The following TRIM24 variants were observed in gnomAD, a reference collection of about 807,000 sequenced individuals.
TRIM24 encodes the protein transcription intermediary factor 1-alpha.
A neutral mutation model predicts 123.9 loss-of-function variants in TRIM24; 29 were observed. That is an observed-to-expected ratio of 0.23 (90% CI 0.17 to 0.32). TRIM24 has a LOEUF of 0.32. Ranked by LOEUF, TRIM24 falls within the 10% of genes least tolerant of loss-of-function variation. The pLI is 1.00. For missense variants in TRIM24, 932 were observed against 1,295.3 expected, an observed-to-expected ratio of 0.72 and a Z score of 4.31; for synonymous variants, 456 against 461.1, an observed-to-expected ratio of 0.99 and a Z score of 0.14.
chr7:138,482,132 A>G (rs1485770736), intron 1 of TRIM24, among the ~76,000 whole-genome samples: 1 of 151,980 alleles, frequency 6.6e-6, no homozygotes, highest in Non-Finnish European at 1.5e-5. Context: ...TTCCTTTTAG[A>G]AAAAAGGGTC....
chr7:138,580,889 C>T (rs530040946), intron 16 of TRIM24, among the ~76,000 whole-genome samples, 195 bp downstream of exon 16: 3 of 152,004 alleles, frequency 2.0e-5, no homozygotes, highest in African/African-American at 4.8e-5. Flanking sequence ...AGAATTAATG[C>T]ATGTATTTTA....
intron 2 of TRIM24, among the ~76,000 whole-genome samples, chr7:138,504,891 G>A (rs1796118658): frequency 6.6e-6 from 1 of 151,910 alleles, no homozygotes; most frequent in Non-Finnish European, 1.5e-5. Flanking sequence ...CTCATGAGTA[G>A]CTGGGATTAC....
chr7:138,508,724 T>TGTGTGTGTGC (rs770314284), intron 2 of TRIM24, among the ~76,000 whole-genome samples: 3,537 of 148,660 alleles, frequency 0.024, 64 homozygotes, highest in Non-Finnish European at 0.037. Flanking sequence ...TGTGTGCGTG[T>TGTGTGTGTGC]GTGTGTGTGT....
Position 138,585,578 on chromosome 7 carries a change from C to T in TRIM24, c.*627C>T, listed in dbSNP as rs904088147. 10 of 325,222 alleles carry T rather than the reference C, an allele frequency of 3.1e-5. No individual in the cohort carries two copies. The highest frequency in any genetic ancestry group is 1.5e-4 in the Admixed American group (3 of 19,664). The allele number at this position is 325,222 out of a possible 1,614,324, so 20.1% of individuals were successfully genotyped here. A position where few individuals can be genotyped will look rare whatever the true frequency, so the allele number is the denominator to read the frequency against. On this transcript the variant is annotated 3_prime_UTR_variant, in exon 19 of 19. Coordinates refer to ENST00000343526, the MANE Select transcript of TRIM24 (RefSeq NM_015905.3). ...ATGGCAACTGTATTAAAGAAAAATCCGGAAAACAAATGTTTGATTTTTGTT... is the reference window on the plus strand; with the variant it reads ...ATGGCAACTGTATTAAAGAAAAATCTGGAAAACAAATGTTTGATTTTTGTT...
chr7:138,584,985 AT>A lies in TRIM24; in HGVS notation c.*41del. 4 of 1,546,986 alleles carry A rather than the reference AT, an allele frequency of 2.6e-6. No homozygotes were observed. The highest frequency in any genetic ancestry group is 2.2e-5 in the Admixed American group (1 of 45,754). ...ACCACTAGCTTGTGCTGGTTTTTAG[AT>A]TTTTTTGTTTTCAAAAAAACATTTG... On this transcript the variant is annotated 3_prime_UTR_variant, in exon 19 of 19. Transcript: ENST00000343526.
At chr7:138,493,108 G>T (rs989748720) in intron 1 of TRIM24, among the ~76,000 whole-genome samples, 1 of 151,992 alleles carries the variant, frequency 6.6e-6, no homozygotes, top group Non-Finnish European at 1.5e-5. Context: ...TCTCTTTACT[G>T]ACATTCCCTG....
rs1435337500 is a variant in TRIM24, at chr7:138,580,553, C to A, written c.2586-9C>A. 1.9e-6 allele frequency: 3 copies of A among 1,605,898 alleles called. No individual in the cohort carries two copies. Among genetic ancestry groups the A allele is most frequent in the South Asian group, 1.1e-5 (1 of 89,734 alleles). The stretch of plus-strand genomic sequence containing the variant: ...ATTAGGAATTCAAAAGTACATTGTC[C>A]CCTAACAGTGGAGAGTGGATTTGCA... On this transcript the variant is annotated splice_polypyrimidine_tract_variant and intron_variant, in intron 15 of 18. Coordinates refer to ENST00000343526, the MANE Select transcript of TRIM24 (RefSeq NM_015905.3).
At chr7:138,522,399 G>A (rs994863337) in intron 4 of TRIM24, among the ~76,000 whole-genome samples, 1 of 151,616 alleles carries the variant, frequency 6.6e-6, no homozygotes, top group African/African-American at 2.4e-5. Flanking sequence ...TGGACATTGT[G>A]GAACACTGTA....
chr7:138,508,278 TGTA>T (rs1451648572), intron 2 of TRIM24, among the ~76,000 whole-genome samples: 1 of 152,158 alleles, frequency 6.6e-6, no homozygotes, highest in Non-Finnish European at 1.5e-5. Context: ...TGAATAAAAA[TGTA>T]GTGGCTTGTT....
chr7:138,512,850 T>C (rs538788862), intron 2 of TRIM24, among the ~76,000 whole-genome samples: 1 of 152,312 alleles, frequency 6.6e-6, no homozygotes, highest in East Asian at 1.9e-4. Context: ...GAAAATGGGC[T>C]TTTCTTTCCT....
intron 1 of TRIM24, among the ~76,000 whole-genome samples, chr7:138,486,124 G>A (rs1435946903): frequency 1.3e-5 from 2 of 152,210 alleles, no homozygotes; most frequent in Non-Finnish European, 2.9e-5. Flanking sequence ...TCCGTTGGCT[G>A]CATACATGTT....
At chr7:138,527,932 C>T (rs1376725943) in intron 5 of TRIM24, among the ~76,000 whole-genome samples, 1 of 152,154 alleles carries the variant, frequency 6.6e-6, no homozygotes, top group Non-Finnish European at 1.5e-5. Flanking sequence ...CTGGACTTGG[C>T]TTTTATACAC....
intron 15 of TRIM24, 92 bp downstream of exon 15, chr7:138,579,624 C>A: frequency 5.6e-6 from 6 of 1,074,386 alleles, no homozygotes; most frequent in Non-Finnish European, 6.7e-6. Flanking sequence ...AAATGAAATT[C>A]CACTTGGCAC....
chr7:138,558,740 A>G (rs927623225), intron 9 of TRIM24, among the ~76,000 whole-genome samples: 1 of 152,178 alleles, frequency 6.6e-6, no homozygotes, highest in Admixed American at 6.5e-5. Context: ...GTGTCCTGGG[A>G]TAGCCTGTAG....
At chr7:138,536,337 C>A (rs923312492) in intron 6 of TRIM24, among the ~76,000 whole-genome samples, 1 of 152,192 alleles carries the variant, frequency 6.6e-6, no homozygotes, top group South Asian at 2.1e-4. Flanking sequence ...TTTTCCCCAT[C>A]TTTGTGGTTT....
At chr7:138,517,346 G>GTTTT (rs879803035) in intron 3 of TRIM24, among the ~76,000 whole-genome samples, 3 of 151,064 alleles carry the variant, frequency 2.0e-5, no homozygotes, top group African/African-American at 7.4e-5. Flanking sequence ...TTACCTTAGG[G>GTTTT]TTTTTGTGTG....
At chr7:138,470,404 A>T (rs1160738947) in intron 1 of TRIM24, among the ~76,000 whole-genome samples, 1 of 152,184 alleles carries the variant, frequency 6.6e-6, no homozygotes, top group Non-Finnish European at 1.5e-5. Flanking sequence ...TACAGATGCG[A>T]GCCATCGCGC....
At chr7:138,522,664 T>C (rs375128069) in intron 4 of TRIM24, among the ~76,000 whole-genome samples, 5 of 152,268 alleles carry the variant, frequency 3.3e-5, no homozygotes, top group Admixed American at 1.3e-4. Flanking sequence ...TTTTTTTAAC[T>C]GTACTATGGG....
intron 7 of TRIM24, among the ~76,000 whole-genome samples, chr7:138,543,719 CTACT>C (rs1797047391): frequency 6.6e-6 from 1 of 152,144 alleles, no homozygotes; most frequent in African/African-American, 2.4e-5. Context: ...ATCCATTATC[CTACT>C]TACCTTGTAT....
Sources: gnomAD v4.1 joint callset for allele counts (sites outside exome capture counted in the v4.1 genomes callset) on GRCh38, gnomAD v4.1.1 for gene constraint, MANE v1.5 for transcripts, NCBI Gene and HGNC (gene_info 2026-07-23, HGNC 2026-07-21) for gene names.